CNN3: variants seen among roughly 807,000 people sequenced by gnomAD.
The protein encoded by CNN3 is calponin-3.
A neutral mutation model predicts 39.0 loss-of-function variants in CNN3; 11 were observed. The observed-to-expected ratio is 0.28, with a 90% CI of 0.18 to 0.47. The LOEUF is 0.47. Among genes scored for constraint, CNN3 ranks in the 20% least tolerant of loss-of-function variants. CNN3 has a pLI of 0.99. For synonymous variants in CNN3, 101 were observed against 138.3 expected (o/e 0.73, Z 1.89); for missense variants, 266 against 403.4 (o/e 0.66, Z 2.92).
In CNN3 at chr1:94,899,403, G is replaced by C. The variant is rs775799340; in HGVS notation, c.616C>G (p.Leu206Val). The change falls in exon 6 of 7, where the codon CTG becomes GTG. Residue 206 changes from leucine (L) to valine (V), a missense_variant. Transcript: ENST00000370206. Reference sequence around the variant, plus strand: ...GCTCCTTTATTAGTGCCCATCTGCAGACTAATTGTGGTCTGGTCAAAAGGT... The same window carrying C: ...GCTCCTTTATTAGTGCCCATCTGCACACTAATTGTGGTCTGGTCAAAAGGT... Reference protein sequence around the residue: ...DKPFDQTTISLQMGTNKGASQ... With the variant: ...DKPFDQTTISVQMGTNKGASQ... The C allele has an allele frequency of 1.2e-6, 2 of 1,613,888 alleles. No individual in the cohort carries two copies. The highest frequency in any genetic ancestry group is 8.5e-7 in the Non-Finnish European group (1 of 1,179,956).
At chr1:94,925,829 G>A (rs1671561900) in intron 1 of CNN3, 3 of 985,276 alleles carry the variant, frequency 3.0e-6, no homozygotes, top group Non-Finnish European at 3.6e-6. Flanking sequence ...GCAGAAAGGA[G>A]ACAATGAGCG....
intron 1 of CNN3, 111 bp from the exon 2 acceptor site, chr1:94,903,635 A>G: frequency 7.1e-7 from 1 of 1,409,874 alleles, no homozygotes; most frequent in Non-Finnish European, 9.7e-7. Flanking sequence ...TGTGAAGTGT[A>G]GTAAATGACA....
rs774963304 is a variant in CNN3 at position 94,926,254 on chromosome 1, A to G, written c.57+584T>C. On this transcript the variant is annotated intron_variant, in intron 1 of 6. Transcript: ENST00000370206. The surrounding 1 kb of genome is among the most constrained non-coding windows in gnomAD (Gnocchi z 4.2). ...AAGCAACAGCAGAAGCAGCAGCAGC[A>G]ATCTGCCTCCAAATGCCTCCCAGGC... is the stretch of plus-strand genomic sequence containing the variant. Among the ~76,000 whole-genome samples, 40 of 152,216 alleles carry G rather than the reference A, an allele frequency of 2.6e-4. No individual in the cohort carries two copies. Among genetic ancestry groups the G allele is most frequent in the Admixed American group, 5.9e-4 (9 of 15,288 alleles).
At chr1:94,912,164 T>G (rs990437911) in intron 1 of CNN3, among the ~76,000 whole-genome samples, 1 of 152,192 alleles carries the variant, frequency 6.6e-6, no homozygotes, top group Admixed American at 6.5e-5. Context: ...GCTAACAGAA[T>G]GTCAATTTTG....
At chr1:94,916,766 T>G (rs1671287029) in intron 1 of CNN3, among the ~76,000 whole-genome samples, 1 of 152,204 alleles carries the variant, frequency 6.6e-6, no homozygotes, top group Non-Finnish European at 1.5e-5. Flanking sequence ...GCTTCAGTTT[T>G]CTTCCCTGCC....
At chr1:94,921,725 A>G (rs1671453488) in intron 1 of CNN3, among the ~76,000 whole-genome samples, 1 of 152,224 alleles carries the variant, frequency 6.6e-6, no homozygotes, top group South Asian at 2.1e-4. Context: ...CACAAATGTT[A>G]GACTGTAAAA....
intron 1 of CNN3, among the ~76,000 whole-genome samples, chr1:94,920,959 G>A (rs1671426392): frequency 6.6e-6 from 1 of 152,126 alleles, no homozygotes; most frequent in Non-Finnish European, 1.5e-5. Flanking sequence ...GAGCCCATTT[G>A]GGCTATAAAA....
chr1:94,926,790 G>GCCCAAGGGTGCCCCGGGGGCC lies in CNN3; in HGVS notation c.57+27_57+47dup. On this transcript the variant is annotated intron_variant, in intron 1 of 6. Coordinates refer to ENST00000370206, the MANE Select transcript of CNN3 (RefSeq NM_001839.5). The surrounding 1 kb of genome is among the most constrained non-coding windows in gnomAD (Gnocchi z 4.2). ...CGAAGCACGGCCCAGCGCCAGGCCA[G>GCCCAAGGGTGCCCCGGGGGCC]CCCAAGGGTGCCCCGGGGGCCCCCG... 1 of 1,585,280 alleles carries GCCCAAGGGTGCCCCGGGGGCC rather than the reference G, an allele frequency of 6.3e-7. No homozygotes were observed. The highest frequency in any genetic ancestry group is 2.3e-5 in the East Asian group (1 of 43,838).
intron 1 of CNN3, among the ~76,000 whole-genome samples, chr1:94,906,580 G>T (rs1040369976): frequency 6.6e-6 from 1 of 152,124 alleles, no homozygotes; most frequent in African/African-American, 2.4e-5. Flanking sequence ...CGCCATGCCT[G>T]GCTCCATCTA....
chr1:94,918,465 G>T (rs1366665518), intron 1 of CNN3, among the ~76,000 whole-genome samples: 1 of 131,300 alleles, frequency 7.6e-6, no homozygotes, highest in African/African-American at 3.0e-5. Flanking sequence ...CGGTATTCCA[G>T]CCTGGGCGAC....
chr1:94,917,587 A>G (rs556043380), intron 1 of CNN3, among the ~76,000 whole-genome samples: 17 of 152,286 alleles, frequency 1.1e-4, no homozygotes, highest in Middle Eastern at 6.8e-3. Context: ...CAATTTGGCA[A>G]TATCAAAATA....
intron 1 of CNN3, among the ~76,000 whole-genome samples, chr1:94,915,191 C>A (rs1237247040): frequency 6.6e-6 from 1 of 152,040 alleles, no homozygotes; most frequent in Non-Finnish European, 1.5e-5. Context: ...AGTAAAAAGC[C>A]ATTAGGTTCA....
chr1:94,918,380 G>C (rs1671343435), intron 1 of CNN3, among the ~76,000 whole-genome samples: 1 of 151,482 alleles, frequency 6.6e-6, no homozygotes, highest in Non-Finnish European at 1.5e-5. Flanking sequence ...TGTAGTCCCA[G>C]CTATTCAGGA....
chr1:94,911,312 A>C (rs1671157606), intron 1 of CNN3, among the ~76,000 whole-genome samples: 1 of 152,192 alleles, frequency 6.6e-6, no homozygotes, highest in Non-Finnish European at 1.5e-5. Flanking sequence ...AAAGTCCAGG[A>C]GCATTTTAAA....
At chr1:94,917,044 GT>G (rs1671302165) in intron 1 of CNN3, among the ~76,000 whole-genome samples, 1 of 152,030 alleles carries the variant, frequency 6.6e-6, no homozygotes, top group African/African-American at 2.4e-5. Flanking sequence ...TTGTTTGTTT[GT>G]TTGTTTTTGA....
At chr1:94,914,193 C>T (rs995387917) in intron 1 of CNN3, among the ~76,000 whole-genome samples, 13 of 152,110 alleles carry the variant, frequency 8.5e-5, no homozygotes, top group Non-Finnish European at 2.9e-5. Context: ...CCAAAATAAC[C>T]CTTGAGTCAG....
intron 1 of CNN3, among the ~76,000 whole-genome samples, chr1:94,905,975 C>T (rs1670989169): frequency 6.6e-6 from 1 of 152,098 alleles, no homozygotes; most frequent in African/African-American, 2.4e-5. Context: ...AATTGGCAGA[C>T]ACATTTTTTA....
chr1:94,925,881 C>T (rs956321659), intron 1 of CNN3: 6 of 932,620 alleles, frequency 6.4e-6, no homozygotes, highest in Admixed American at 6.2e-5. Flanking sequence ...TCTCTCCCCC[C>T]AGAAACCCCT....
chr1:94,898,303 T>A (rs1168559418), intron 6 of CNN3, among the ~76,000 whole-genome samples: 1 of 152,186 alleles, frequency 6.6e-6, no homozygotes, highest in Non-Finnish European at 1.5e-5. Flanking sequence ...TTCTTCAAAA[T>A]CCTTGCTCTG....
Sources: gnomAD v4.1 joint callset for allele counts (sites outside exome capture counted in the v4.1 genomes callset) on GRCh38, gnomAD v4.1.1 for gene constraint, Gnocchi (gnomAD v3.1) non-coding constraint, MANE v1.5 for transcripts, NCBI Gene and HGNC (gene_info 2026-07-23, HGNC 2026-07-21) for gene names.